Variants in UBAP2 observed in about 807,000 individuals in gnomAD.
UBAP2 encodes ubiquitin associated protein 2.
Under a neutral mutation model 139.6 loss-of-function variants are expected in UBAP2, and 75 were observed. The ratio of observed to expected loss-of-function variants is 0.54; its 90% confidence interval spans 0.45 to 0.65. The LOEUF is 0.65. Among genes scored for constraint, UBAP2 ranks in the 30% least tolerant of loss-of-function variants. The pLI is 0.00. For synonymous variants in UBAP2, 526 were observed against 526.2 expected (o/e 1.00, Z 0.01); for missense variants, 1,368 against 1,369.6 (o/e 1.00, Z 0.02).
intron 6 of UBAP2, among the ~76,000 whole-genome samples, chr9:33,985,405 T>C (rs1331609029): frequency 2.6e-5 from 4 of 152,190 alleles, no homozygotes. Flanking sequence ...TTCACAAATA[T>C]AGAGAATCAA....
intron 11 of UBAP2, 64 bp downstream of exon 11, chr9:33,956,015 T>C (rs1564029613): frequency 7.5e-7 from 1 of 1,335,918 alleles, no homozygotes; most frequent in Non-Finnish European, 1.0e-6. Flanking sequence ...AAAATACTTT[T>C]CCTGAGGCAA....
At chr9:34,026,206 C>T in intron 1 of UBAP2, among the ~76,000 whole-genome samples, 1 of 152,152 alleles carries the variant, frequency 6.6e-6, no homozygotes, top group East Asian at 1.9e-4. Context: ...AAAGTTTGAA[C>T]AGTTAATTAA....
chr9:33,948,168 A>G (rs1207658336), intron 13 of UBAP2, among the ~76,000 whole-genome samples: 2 of 152,188 alleles, frequency 1.3e-5, no homozygotes, highest in African/African-American at 4.8e-5. Context: ...ACCAACAATA[A>G]TGAAACTATC....
intron 1 of UBAP2, among the ~76,000 whole-genome samples, chr9:34,034,641 C>G (rs1785511): frequency 0.68 from 103,434 of 152,040 alleles, 35,808 homozygotes; most frequent in East Asian, 0.82. Context: ...TTGGGAGGCA[C>G]AGGCGGGCGG....
intron 19 of UBAP2, among the ~76,000 whole-genome samples, chr9:33,929,633 C>CGGAA (rs1429285496): frequency 1.3e-5 from 2 of 152,158 alleles, no homozygotes; most frequent in African/African-American, 4.8e-5. Flanking sequence ...AATACCTGTA[C>CGGAA]TTCCCATCAC....
At chr9:33,993,896 C>CT (rs34361153) in intron 4 of UBAP2, among the ~76,000 whole-genome samples, 70,165 of 136,854 alleles carry the variant, frequency 0.51, 18,541 homozygotes, top group South Asian at 0.62. Context: ...GCTTTGCTTT[C>CT]TTTTTTTTTT....
intron 8 of UBAP2, among the ~76,000 whole-genome samples, chr9:33,967,202 T>C (rs1827534481): frequency 1.3e-5 from 2 of 152,260 alleles, no homozygotes; most frequent in South Asian, 4.1e-4. Context: ...TTCATGAAAC[T>C]TGTGTCTTGC....
intron 13 of UBAP2, among the ~76,000 whole-genome samples, chr9:33,947,981 CAAAAAAAAAAAAA>C (rs34296980): frequency 2.5e-5 from 2 of 80,614 alleles, no homozygotes; most frequent in Non-Finnish European, 4.8e-5. Context: ...GACCCCATCT[CAAAAAAAAAAAAA>C]AAAAAAAAAG....
chr9:33,989,255 T>C, intron 4 of UBAP2, 129 bp from the exon 5 acceptor site: 1 of 1,077,474 alleles, frequency 9.3e-7, no homozygotes, highest in Non-Finnish European at 1.2e-6. Context: ...CAGGCTGGAG[T>C]GCATGGCGCC....
chr9:33,975,595 G>C (rs921821967), intron 6 of UBAP2, among the ~76,000 whole-genome samples: 1 of 150,594 alleles, frequency 6.6e-6, no homozygotes, highest in Non-Finnish European at 1.5e-5. Flanking sequence ...TCAGGAGATC[G>C]AGACCATCCT....
chr9:33,927,908 A>C lies in UBAP2; in HGVS notation c.2260T>G (p.Ser754Ala). The change falls in exon 20 of 29, where the codon TCA (serine) becomes GCA (alanine). Residue 754 changes from serine to alanine, a missense_variant. Physicochemically the swap from Ser to Ala is moderately conservative, Grantham distance 99. Coordinates refer to ENST00000379238, the MANE Select transcript of UBAP2 (RefSeq NM_001370062.2). ...AATSVSSSASSGASLSSSMNT... is the reference protein window; with the variant it reads ...AATSVSSSASAGASLSSSMNT... ...ATGCTACTGGACAGGCTGGCGCCTG[A>C]GGATGCGGAACTTGAGACGGAGGTC... The C allele has an allele frequency of 6.2e-7, 1 of 1,614,202 alleles. No individual in the cohort carries two copies.
intron 2 of UBAP2, among the ~76,000 whole-genome samples, chr9:34,012,840 A>AT (rs113937825): frequency 0.25 from 36,108 of 146,322 alleles, 4,984 homozygotes; most frequent in East Asian, 0.55. Context: ...CTCACAATGT[A>AT]TTTTTTTTTT....
intron 15 of UBAP2, 110 bp from the exon 16 acceptor site, chr9:33,941,972 T>A (rs1825255979): frequency 2.7e-6 from 2 of 747,662 alleles, no homozygotes; most frequent in South Asian, 3.7e-5. Flanking sequence ...CAATTTATTA[T>A]CCCAAATGAG....
chr9:33,937,773 T>G (rs1433614723), intron 16 of UBAP2, among the ~76,000 whole-genome samples: 1 of 123,688 alleles, frequency 8.1e-6, no homozygotes, highest in Admixed American at 7.7e-5. Context: ...AAAAAAAAAA[T>G]TAGCCAGGTG....
At chr9:34,016,964 CAA>C (rs1824409522) in intron 2 of UBAP2, 84 bp downstream of exon 2, 3 of 880,002 alleles carry the variant, frequency 3.4e-6, no homozygotes, top group African/African-American at 3.6e-5. Flanking sequence ...ACAAGGCAAA[CAA>C]GAGTTCCACA....
chr9:33,935,024 G>C (rs1824333996), intron 17 of UBAP2, among the ~76,000 whole-genome samples: 1 of 152,088 alleles, frequency 6.6e-6, no homozygotes, highest in African/African-American at 2.4e-5. Flanking sequence ...AGTCTTTCTG[G>C]CTTCCCCACC....
chr9:34,007,645 T>TA (rs1195460703), intron 2 of UBAP2, among the ~76,000 whole-genome samples: 6 of 151,270 alleles, frequency 4.0e-5, no homozygotes, highest in East Asian at 1.9e-4. Context: ...ATGTTTTATT[T>TA]TTATTTTTTT....
chr9:34,027,209 G>A (rs996626634), intron 1 of UBAP2, among the ~76,000 whole-genome samples: 6 of 152,220 alleles, frequency 3.9e-5, no homozygotes, highest in African/African-American at 4.8e-5. Flanking sequence ...GGCCAGGTAC[G>A]GTGGCTCACA....
chr9:33,960,754 T>G, intron 10 of UBAP2, 72 bp downstream of exon 10: 4 of 1,483,180 alleles, frequency 2.7e-6, no homozygotes, highest in Non-Finnish European at 3.7e-6. Context: ...CATTCCAGCC[T>G]GGGCAACAAA....
Sources: allele counts gnomAD v4.1 joint callset (sites outside exome capture counted in the v4.1 genomes callset), GRCh38; gene constraint gnomAD v4.1.1; transcripts MANE v1.5; gene names NCBI Gene and HGNC (gene_info 2026-07-23, HGNC 2026-07-21).